The following PCDHGA11 variants were observed in gnomAD, a reference collection of about 807,000 sequenced individuals.
PCDHGA11 encodes protocadherin gamma subfamily A, 11.
Under a neutral mutation model 60.4 loss-of-function variants are expected in PCDHGA11, and 39 were observed. The observed-to-expected ratio is 0.65, with a 90% CI of 0.50 to 0.84. The LOEUF (loss-of-function observed/expected upper bound fraction) is 0.84. PCDHGA11 is among the 40% of genes least tolerant of loss of function. PCDHGA11 has a pLI of 0.00. For synonymous variants in PCDHGA11, 533 were observed against 510.3 expected (o/e 1.04, Z -0.60); for missense variants, 1,165 against 1,197.7 (o/e 0.97, Z 0.40).
At chr5:141,504,462 G>A (rs1375731108) in intron 2 of PCDHGA11, among the ~76,000 whole-genome samples, 5 of 152,074 alleles carry the variant, frequency 3.3e-5, no homozygotes, top group African/African-American at 9.7e-5. Flanking sequence ...TGGGGCAGCC[G>A]CTGGGATGGG....
intron 1 of PCDHGA11, 68 bp downstream of exon 1, chr5:141,423,728 T>C (rs1312071121): frequency 9.4e-6 from 10 of 1,067,510 alleles, no homozygotes; most frequent in Non-Finnish European, 1.1e-5. Context: ...AGATGTTTTT[T>C]GAGCCTGTTA....
chr5:141,481,897 G>A (rs916673176), intron 1 of PCDHGA11, among the ~76,000 whole-genome samples: 3 of 128,712 alleles, frequency 2.3e-5, no homozygotes, highest in South Asian at 5.0e-4. Context: ...CTGGGTGAAA[G>A]AGCGAAACTC....
intron 1 of PCDHGA11, among the ~76,000 whole-genome samples, chr5:141,460,961 A>G (rs113156768): frequency 0.11 from 16,010 of 144,518 alleles, 1,385 homozygotes; most frequent in African/African-American, 0.24. Context: ...GTATATATAT[A>G]TGTGTGTGTG....
chr5:141,428,658 T>C (rs932328483), intron 1 of PCDHGA11: 1 of 165,620 alleles, frequency 6.0e-6, no homozygotes, highest in Non-Finnish European at 1.3e-5. Context: ...TGAGTTCCAA[T>C]GAATGTCTTT....
At position 141,490,044 on chromosome 5, in the gene PCDHGA11, T is replaced by C; in HGVS notation, c.2434-4763T>C. The C allele has an allele frequency of 1.2e-6, 2 of 1,614,192 alleles. No individual in the cohort carries two copies. Among genetic ancestry groups the C allele is most frequent in the Non-Finnish European group, 1.7e-6 (2 of 1,180,024 alleles). The stretch of plus-strand genomic sequence containing the variant: ...TGCTGCTCCGCCTCAATGCCACTGA[T>C]CCAGACGAGGGCACCAACGGCCAAC... On this transcript the variant is annotated intron_variant, in intron 1 of 3. Transcript: ENST00000398587. The surrounding 1 kb of genome is among the most constrained non-coding windows in gnomAD (Gnocchi z 5.4).
At chr5:141,462,121 T>A (rs977258025) in intron 1 of PCDHGA11, among the ~76,000 whole-genome samples, 2 of 151,730 alleles carry the variant, frequency 1.3e-5, no homozygotes, top group Non-Finnish European at 2.9e-5. Context: ...CTGCACCCAG[T>A]CCAATTTTTT....
chr5:141,497,649 C>T (rs973501351), intron 2 of PCDHGA11, among the ~76,000 whole-genome samples: 1 of 151,784 alleles, frequency 6.6e-6, no homozygotes, highest in Non-Finnish European at 1.5e-5. Context: ...AAGCGATTCT[C>T]CTGCCTCAGC....
At chr5:141,427,397 T>C (rs944166415) in intron 1 of PCDHGA11, 2 of 460,626 alleles carry the variant, frequency 4.3e-6, no homozygotes, top group South Asian at 1.5e-5. Flanking sequence ...AAACACATGA[T>C]AAAGATTCGA....
chr5:141,485,980 G>C lies in PCDHGA11; in HGVS notation c.2434-8827G>C, dbSNP rs151239937. 1 of 1,614,020 alleles carries C rather than the reference G, an allele frequency of 6.2e-7. No individual in the cohort carries two copies. The highest frequency in any genetic ancestry group is 1.3e-5 in the African/African-American group (1 of 74,914). The stretch of plus-strand genomic sequence containing the variant: ...TCATCCAGCTCAATGCCTCAGACCC[G>C]GACCTGGGTCCCAGTGGTAACGTCA... On this transcript the variant is annotated intron_variant, in intron 1 of 3. Transcript: ENST00000398587. The surrounding 1 kb of genome is among the most constrained non-coding windows in gnomAD (Gnocchi z 5.7).
At chr5:141,510,917 C>G in intron 3 of PCDHGA11, 30 bp from the exon 4 acceptor site, 1 of 1,613,854 alleles carries the variant, frequency 6.2e-7, no homozygotes, top group Non-Finnish European at 8.5e-7. Flanking sequence ...CTAAGTTTAG[C>G]TCCCACCTGA....
At chr5:141,459,938 C>T (rs373341229) in intron 1 of PCDHGA11, among the ~76,000 whole-genome samples, 4 of 152,148 alleles carry the variant, frequency 2.6e-5, no homozygotes, top group African/African-American at 4.8e-5. Context: ...TGTAGCTGGG[C>T]GTGATGGCAG....
intron 1 of PCDHGA11, among the ~76,000 whole-genome samples, chr5:141,451,498 C>A (rs2098717552): frequency 6.6e-6 from 1 of 152,208 alleles, no homozygotes; most frequent in South Asian, 2.1e-4. Flanking sequence ...CTCCATAGGG[C>A]AACCAGCTTC....
chr5:141,479,860 C>T (rs1374284598), intron 1 of PCDHGA11, among the ~76,000 whole-genome samples: 2 of 152,108 alleles, frequency 1.3e-5, no homozygotes, highest in Admixed American at 6.5e-5. Context: ...AAGGCCTTTG[C>T]CCTGGAGAGA....
At chr5:141,508,588 C>G (rs1721443459) in intron 3 of PCDHGA11, among the ~76,000 whole-genome samples, 1 of 152,176 alleles carries the variant, frequency 6.6e-6, no homozygotes, top group African/African-American at 2.4e-5. Context: ...GGGTGCTACT[C>G]AGAGATCTTG....
Position 141,511,843 on chromosome 5 carries a change from GT to G in PCDHGA11, c.*674del, listed in dbSNP as rs1413398495. On this transcript the variant is annotated 3_prime_UTR_variant, in exon 4 of 4. Coordinates refer to ENST00000398587, the MANE Select transcript of PCDHGA11 (RefSeq NM_018914.3). ...CCAACGCCCTGGGGACCAGTCTTCT[GT>G]TTTGTTTTTCATTGTTTGACGTTTC... 1 of 156,550 alleles carries G rather than the reference GT, an allele frequency of 6.4e-6. No individual in the cohort carries two copies. The highest frequency in any genetic ancestry group is 2.4e-5 in the African/African-American group (1 of 41,452). The allele number at this position is 156,550 out of a possible 1,614,324, so 9.7% of individuals were successfully genotyped here. A position where few individuals can be genotyped will look rare whatever the true frequency, so the allele number is the denominator to read the frequency against.
Position 141,476,838 on chromosome 5 carries a change from C to T in PCDHGA11, c.2434-17969C>T, listed in dbSNP as rs1347278637. 2.5e-6 allele frequency: 4 copies of T among 1,613,496 alleles called. No individual in the cohort carries two copies. Among genetic ancestry groups the T allele is most frequent in the Non-Finnish European group, 3.4e-6 (4 of 1,180,054 alleles). ...AAGGTGCTGGACGCGAATGACAATG[C>T]GCCTGTCTTCAACCAGTCCTTGTAC... On this transcript the variant is annotated intron_variant, in intron 1 of 3. Transcript: ENST00000398587. This position sits in a 1 kb window ranked among gnomAD's most constrained non-coding sequence, Gnocchi z 7.6.
chr5:141,455,936 C>T (rs1194722770), intron 1 of PCDHGA11, among the ~76,000 whole-genome samples: 3 of 151,422 alleles, frequency 2.0e-5, no homozygotes, highest in East Asian at 3.9e-4. Flanking sequence ...CTCGCTCTGT[C>T]GCCCAGGCTG....
intron 1 of PCDHGA11, among the ~76,000 whole-genome samples, chr5:141,479,060 T>G (rs980468382): frequency 5.9e-5 from 9 of 152,248 alleles, no homozygotes; most frequent in Non-Finnish European, 1.3e-4. Context: ...CAGATAATTT[T>G]TTATGAATGA....
At position 141,509,122 on chromosome 5, in the gene PCDHGA11, G is replaced by A. The variant is rs2099875312; in HGVS notation, c.2582-1825G>A. 2.0e-5 allele frequency among the ~76,000 whole-genome samples: 3 copies of A among 152,154 alleles called. No homozygotes were observed. In the South Asian group the frequency reaches 6.2e-4, roughly 32 times the overall value. The stretch of plus-strand genomic sequence containing the variant: ...AGAAACCTGAGCGCTGGTGCGTGAA[G>A]AGAAAAACCGAGGCGCATCCCGGCT... On this transcript the variant is annotated intron_variant, in intron 3 of 3. Transcript: ENST00000398587.
Sources: allele counts gnomAD v4.1 joint callset (sites outside exome capture counted in the v4.1 genomes callset), GRCh38; gene constraint gnomAD v4.1.1; non-coding constraint Gnocchi (gnomAD v3.1); transcripts MANE v1.5; gene names NCBI Gene and HGNC (gene_info 2026-07-23, HGNC 2026-07-21).